Variants in TSGA13 observed in about 807,000 individuals in gnomAD.
The protein encoded by TSGA13 is testis specific 13.
Under a neutral mutation model 35.1 loss-of-function variants are expected in TSGA13, and 37 were observed. The observed-to-expected ratio is 1.05, with a 90% CI of 0.81 to 1.39. TSGA13 has a LOEUF of 1.39. TSGA13 is among the 40% of genes most tolerant of loss of function. TSGA13 has a pLI of 0.00. For synonymous variants in TSGA13, 124 were observed against 121.2 expected, an observed-to-expected ratio of 1.02 and a Z score of -0.15; for missense variants, 338 against 328.5, an observed-to-expected ratio of 1.03 and a Z score of -0.22.
intron 1 of TSGA13, 56 bp downstream of exon 1, chr7:130,686,206 C>T (rs959272735): frequency 6.6e-6 from 1 of 152,152 alleles, no homozygotes; most frequent in Non-Finnish European, 1.5e-5. Context: ...CTGAGCTAAA[C>T]CCTTAAAGTT....
chr7:130,685,330 C>T lies in TSGA13; in HGVS notation c.-120G>A, dbSNP rs1796636951. The stretch of plus-strand genomic sequence containing the variant: ...CAATCCAAATATTCTTTCCTTAGCA[C>T]ACAGTGTGTACTCATGCCCCATTCT... On this transcript the variant is annotated 5_prime_UTR_variant, in exon 2 of 8. In the 5' UTR this introduces an upstream ATG that the reference lacks. Coordinates refer to ENST00000356588, the MANE Select transcript of TSGA13 (RefSeq NM_052933.4). 1.9e-6 allele frequency: 3 copies of T among 1,573,880 alleles called. No homozygotes were observed. The highest frequency in any genetic ancestry group is 2.7e-5 in the African/African-American group (2 of 74,346).
chr7:130,672,418 A>G (rs1796293498), intron 6 of TSGA13, among the ~76,000 whole-genome samples: 1 of 151,922 alleles, frequency 6.6e-6, no homozygotes, highest in South Asian at 2.1e-4. Context: ...ATGTGTTCTC[A>G]TAGCACATGG....
At chr7:130,674,897 A>G (rs1209087319) in intron 5 of TSGA13, among the ~76,000 whole-genome samples, 4 of 152,232 alleles carry the variant, frequency 2.6e-5, no homozygotes, top group African/African-American at 9.6e-5. Context: ...CAAAAACTGC[A>G]CTTACTTTTG....
intron 5 of TSGA13, among the ~76,000 whole-genome samples, chr7:130,676,819 TAACTC>T (rs1456619352): frequency 1.3e-5 from 2 of 152,204 alleles, no homozygotes; most frequent in African/African-American, 2.4e-5. Flanking sequence ...CACTTTCACT[TAACTC>T]ATTTATTTAA....
chr7:130,683,319 G>A (rs1796590253), intron 3 of TSGA13, among the ~76,000 whole-genome samples: 1 of 152,222 alleles, frequency 6.6e-6, no homozygotes, highest in South Asian at 2.1e-4. Context: ...TAGTTGTAAA[G>A]TCTGCGTAAG....
chr7:130,668,862 T>G lies in TSGA13; in HGVS notation c.*152A>C, dbSNP rs561024829. ...ACGCAGCCACGCCCCCTTCTCCTCT[T>G]GCGGCCCGCCGGAGACTTCGGCTCG... On this transcript the variant is annotated 3_prime_UTR_variant, in exon 8 of 8. Coordinates refer to ENST00000356588, the MANE Select transcript of TSGA13 (RefSeq NM_052933.4). 7.3e-7 allele frequency: 1 copy of G among 1,360,862 alleles called. No homozygotes were observed. Among genetic ancestry groups the G allele is most frequent in the Non-Finnish European group, 9.9e-7 (1 of 1,007,648 alleles). 84.3% of individuals were successfully genotyped at this position (1,360,862 alleles called of 1,614,324 possible).
chr7:130,679,577 A>T (rs1255098937), intron 4 of TSGA13, among the ~76,000 whole-genome samples: 1 of 152,028 alleles, frequency 6.6e-6, no homozygotes, highest in African/African-American at 2.4e-5. Flanking sequence ...TGGCATGATC[A>T]TGACTCACTG....
At chr7:130,681,121 T>G in intron 3 of TSGA13, 104 bp from the exon 4 acceptor site, 1 of 938,132 alleles carries the variant, frequency 1.1e-6, no homozygotes, top group Admixed American at 2.0e-5. Context: ...GTCTCTAACT[T>G]ACACTAAGTA....
chr7:130,678,323 G>C (rs1554464425), intron 5 of TSGA13, among the ~76,000 whole-genome samples: 1 of 151,794 alleles, frequency 6.6e-6, no homozygotes, highest in Non-Finnish European at 1.5e-5. Flanking sequence ...AGCTTGCAGT[G>C]AGCCGAGATC....
intron 5 of TSGA13, among the ~76,000 whole-genome samples, chr7:130,676,724 T>C (rs1554464148): frequency 6.6e-6 from 1 of 152,170 alleles, no homozygotes; most frequent in Non-Finnish European, 1.5e-5. Flanking sequence ...AAACACTAAC[T>C]CCAAATTCAC....
rs912132607 is a variant in TSGA13, at chr7:130,668,816, C to T, written c.*198G>A. The T allele has an allele frequency of 5.6e-6, 7 of 1,258,026 alleles. No homozygotes were observed. Among genetic ancestry groups the T allele is most frequent in the African/African-American group, 3.2e-5 (2 of 63,018 alleles). The allele number at this position is 1,258,026 out of a possible 1,614,324, so 77.9% of individuals were successfully genotyped here. ...ACTCGGGGCCAAGGCCCGCCCTCCC[C>T]GGCCGCCCTCGGCCCCCGGGACGCA... On this transcript the variant is annotated 3_prime_UTR_variant, in exon 8 of 8. Transcript: ENST00000356588.
Position 130,668,905 on chromosome 7 carries a change from C to A in TSGA13, c.*109G>T. 2 of 1,471,750 alleles carry A rather than the reference C, an allele frequency of 1.4e-6. No individual in the cohort carries two copies. Among genetic ancestry groups the A allele is most frequent in the Non-Finnish European group, 1.8e-6 (2 of 1,097,770 alleles). The allele number at this position is 1,471,750 out of a possible 1,614,324, so 91.2% of individuals were successfully genotyped here. A position where few individuals can be genotyped will look rare whatever the true frequency, so the allele number is the denominator to read the frequency against. On this transcript the variant is annotated 3_prime_UTR_variant, in exon 8 of 8. Transcript: ENST00000356588. ...TCGGCTCGACCCTCCCGGCTTGCGA[C>A]CCGGGAGCCCACGCCCGCAGCAGCA...
Position 130,668,730 on chromosome 7 carries a change from C to T in TSGA13, c.*284G>A, listed in dbSNP as rs1554462152. On this transcript the variant is annotated 3_prime_UTR_variant, in exon 8 of 8. Transcript: ENST00000356588. Reference sequence around the variant, plus strand: ...CGTCCCAGGCGCCGCAGCCGGCGAGCGGAAGAGGCTGCAGGAAGGCCGGCC... The same window carrying T: ...CGTCCCAGGCGCCGCAGCCGGCGAGTGGAAGAGGCTGCAGGAAGGCCGGCC... 37 of 1,492,136 alleles carry T rather than the reference C, an allele frequency of 2.5e-5. No individual in the cohort carries two copies. Among genetic ancestry groups the T allele is most frequent in the Non-Finnish European group, 3.2e-5 (36 of 1,116,622 alleles). The allele number at this position is 1,492,136 out of a possible 1,614,324, so 92.4% of individuals were successfully genotyped here.
chr7:130,671,124 T>C (rs6968352), intron 7 of TSGA13, among the ~76,000 whole-genome samples: 29,495 of 152,082 alleles, frequency 0.19, 3,050 homozygotes, highest in Middle Eastern at 0.25. Flanking sequence ...TCCCAGAGAC[T>C]TTTGTACCTC....
chr7:130,671,038 T>A (rs900851048), intron 7 of TSGA13, among the ~76,000 whole-genome samples: 10 of 152,124 alleles, frequency 6.6e-5, no homozygotes, highest in South Asian at 2.1e-4. Context: ...AATGATAATA[T>A]GTGAGGAGGA....
Position 130,669,143 on chromosome 7 carries a change from C to A in TSGA13, c.699G>T (p.Val233=), listed in dbSNP as rs782320703. 1 of 1,614,190 alleles carries A rather than the reference C, an allele frequency of 6.2e-7. No individual in the cohort carries two copies. Among genetic ancestry groups the A allele is most frequent in the Non-Finnish European group, 8.5e-7 (1 of 1,180,030 alleles). ...KSASERPISK[V]IREPLTLASL... is the part of the protein sequence containing the mutation. ...ATGCGAGTGTCAGTGGTTCCCGAAT[C>A]ACTTTGGAAATTGGCCTTTCACTCG... Residue 233 remains valine (V), a synonymous_variant, in exon 8 of 8, where the codon GTG becomes GTT. Transcript: ENST00000356588.
At chr7:130,687,307 T>C (rs1220174326), upstream of TSGA13, 1 of 152,262 alleles carries the variant, frequency 6.6e-6, no homozygotes, top group Non-Finnish European at 1.5e-5. Context: ...TGTCTTGTAG[T>C]TCTGTTTTCA....
At chr7:130,680,911 C>A (rs376646303) in intron 4 of TSGA13, 35 bp downstream of exon 4, 30 of 1,605,442 alleles carry the variant, frequency 1.9e-5, no homozygotes, top group Non-Finnish European at 2.4e-5. Flanking sequence ...GAAACTTCCC[C>A]TTAGAGATCT....
At chr7:130,669,418 T>A (rs781898607) in intron 7 of TSGA13, among the ~76,000 whole-genome samples, 2 of 152,236 alleles carry the variant, frequency 1.3e-5, no homozygotes, top group African/African-American at 2.4e-5. Context: ...TGTTCAAGCC[T>A]ATTTCTTTCA....
Sources: allele counts gnomAD v4.1 joint callset (sites outside exome capture counted in the v4.1 genomes callset), GRCh38; gene constraint gnomAD v4.1.1; transcripts MANE v1.5; gene names NCBI Gene and HGNC (gene_info 2026-07-23, HGNC 2026-07-21).